The following ANO4 variants were observed in gnomAD, a reference collection of about 807,000 sequenced individuals.
ANO4 encodes anoctamin 4.
ANO4 carries 69 observed loss-of-function variants against 141.9 expected under a neutral mutation model. That is an observed-to-expected ratio of 0.49 (90% CI 0.40 to 0.59). The LOEUF is 0.59. Among genes scored for constraint, ANO4 ranks in the 20% least tolerant of loss-of-function variants. The probability of loss-of-function intolerance (pLI) is 0.00; values close to 1 mark genes in which losing one functional copy is unlikely to be tolerated. For synonymous variants in ANO4, 350 were observed against 394.3 expected, an observed-to-expected ratio of 0.89 and a Z score of 1.33; for missense variants, 894 against 1,162.2, an observed-to-expected ratio of 0.77 and a Z score of 3.36.
At chr12:100,938,059 C>T (rs2042357960) in intron 3 of ANO4, among the ~76,000 whole-genome samples, 1 of 152,204 alleles carries the variant, frequency 6.6e-6, no homozygotes. Context: ...TCATAATTCA[C>T]CCTCTCGTAG....
chr12:100,827,256 G>T (rs1472060779), intron 1 of ANO4, among the ~76,000 whole-genome samples: 1 of 151,824 alleles, frequency 6.6e-6, no homozygotes. Context: ...ACCCAATTAT[G>T]TTTTTGCTTT....
At chr12:100,975,647 G>A (rs2044145450) in intron 7 of ANO4, among the ~76,000 whole-genome samples, 4 of 151,556 alleles carry the variant, frequency 2.6e-5, no homozygotes, top group Non-Finnish European at 5.9e-5. Flanking sequence ...CACCGTGTTG[G>A]CCAGGCTAGT....
At chr12:100,895,665 G>A (rs765886894) in intron 1 of ANO4, among the ~76,000 whole-genome samples, 4 of 150,826 alleles carry the variant, frequency 2.7e-5, no homozygotes, top group Non-Finnish European at 5.9e-5. Flanking sequence ...GGGTTCAAGC[G>A]ATTCTCCTGT....
chr12:101,100,991 T>C (rs1396632830), intron 22 of ANO4, among the ~76,000 whole-genome samples: 1 of 152,200 alleles, frequency 6.6e-6, no homozygotes, highest in Non-Finnish European at 1.5e-5. Flanking sequence ...AATAAAGTTT[T>C]ATTGGAACAC....
chr12:100,737,050 C>T (rs2031648437), intron 2 of ANO4, among the ~76,000 whole-genome samples: 1 of 152,188 alleles, frequency 6.6e-6, no homozygotes, highest in African/African-American at 2.4e-5. Context: ...GTAGGTATGA[C>T]AGATGCTTAA....
intron 5 of ANO4, among the ~76,000 whole-genome samples, chr12:100,964,869 A>G (rs1308205962): frequency 2.0e-5 from 3 of 152,046 alleles, no homozygotes; most frequent in Middle Eastern, 3.4e-3. Context: ...TTCTTACTCT[A>G]TTTTTCTTCA....
At chr12:100,915,106 C>T (rs2041278152) in intron 2 of ANO4, among the ~76,000 whole-genome samples, 1 of 152,038 alleles carries the variant, frequency 6.6e-6, no homozygotes, top group African/African-American at 2.4e-5. Context: ...CAGGTGTGAG[C>T]CACCACACCC....
At chr12:100,863,644 C>G (rs1481761785) in intron 1 of ANO4, among the ~76,000 whole-genome samples, 1 of 152,006 alleles carries the variant, frequency 6.6e-6, no homozygotes, top group African/African-American at 2.4e-5. Flanking sequence ...ATTATATATT[C>G]ATTATGTACA....
intron 8 of ANO4, among the ~76,000 whole-genome samples, chr12:100,993,702 A>T (rs1190131088): frequency 1.3e-5 from 2 of 152,120 alleles, no homozygotes; most frequent in Non-Finnish European, 2.9e-5. Context: ...GAGATGAGTG[A>T]TTTTTTAGGA....
At chr12:100,805,227 T>A (rs2034932530) in intron 1 of ANO4, among the ~76,000 whole-genome samples, 1 of 152,160 alleles carries the variant, frequency 6.6e-6, no homozygotes, top group Non-Finnish European at 1.5e-5. Context: ...ATTGCTAGTG[T>A]TTGTCAGGTT....
chr12:100,912,727 A>G (rs1437741763), intron 2 of ANO4, among the ~76,000 whole-genome samples: 4 of 152,220 alleles, frequency 2.6e-5, no homozygotes, highest in African/African-American at 9.6e-5. Flanking sequence ...GTTCTCTTGA[A>G]CAGAACTGAA....
At chr12:101,080,877 T>TACAC (rs1415455731) in intron 15 of ANO4, among the ~76,000 whole-genome samples, 4 of 96,106 alleles carry the variant, frequency 4.2e-5, no homozygotes, top group African/African-American at 1.5e-4. Flanking sequence ...TATATATATA[T>TACAC]ATATATTATA....
upstream of ANO4, among the ~76,000 whole-genome samples, chr12:100,791,263 C>T (rs1361480660): frequency 6.6e-6 from 1 of 151,760 alleles, no homozygotes; most frequent in Non-Finnish European, 1.5e-5. Flanking sequence ...GCTGTGGTCC[C>T]ATTGGGTATG....
chr12:101,083,219 A>G (rs1489685517), intron 15 of ANO4, among the ~76,000 whole-genome samples: 2 of 152,212 alleles, frequency 1.3e-5, no homozygotes, highest in Non-Finnish European at 2.9e-5. Context: ...GGAGAAAACT[A>G]AGAATTATAT....
At chr12:100,734,759 A>G (rs777057457) in intron 2 of ANO4, among the ~76,000 whole-genome samples, 4 of 152,242 alleles carry the variant, frequency 2.6e-5, no homozygotes, top group African/African-American at 4.8e-5. Context: ...TGCCTATGCA[A>G]AGCATTAATG....
chr12:100,921,307 T>C (rs2041621685), intron 2 of ANO4, among the ~76,000 whole-genome samples: 1 of 152,238 alleles, frequency 6.6e-6, no homozygotes, highest in African/African-American at 2.4e-5. Flanking sequence ...CTATGAGTTA[T>C]CTTATTCTTG....
At chr12:100,908,676 T>C (rs1283498189) in intron 2 of ANO4, among the ~76,000 whole-genome samples, 2 of 152,234 alleles carry the variant, frequency 1.3e-5, no homozygotes, top group Non-Finnish European at 2.9e-5. Context: ...ACTGAGTTTC[T>C]TAAGTGCAGT....
Position 101,042,391 on chromosome 12 carries a change from C to A in ANO4, c.1077C>A (p.Gly359=). ...TTGCCTGGTTGGGCTGGTACACCGG[C>A]ATGCTCTTCCCAGCTGCCTTCATTG... ...LYFAWLGWYT[G]MLFPAAFIGL... Residue 359 remains glycine (G), a synonymous_variant, in exon 12 of 28, where the codon GGC becomes GGA. Coordinates refer to ENST00000392977, the MANE Select transcript of ANO4 (RefSeq NM_001286615.2). 1.2e-6 allele frequency: 2 copies of A among 1,614,168 alleles called. No individual in the cohort carries two copies. Among genetic ancestry groups the A allele is most frequent in the Non-Finnish European group, 1.7e-6 (2 of 1,180,002 alleles).
At chr12:101,099,772 G>A (rs952083274) in intron 22 of ANO4, 52 bp downstream of exon 22, 11 of 1,428,144 alleles carry the variant, frequency 7.7e-6, no homozygotes, top group Non-Finnish European at 9.2e-6. Context: ...AGATCTCCAG[G>A]TATATTCAAC....
Sources: allele counts gnomAD v4.1 joint callset (sites outside exome capture counted in the v4.1 genomes callset), GRCh38; gene constraint gnomAD v4.1.1; transcripts MANE v1.5; gene names NCBI Gene and HGNC (gene_info 2026-07-23, HGNC 2026-07-21).